Variants in ASIC5 observed in about 807,000 individuals in gnomAD.
ASIC5 encodes bile acid-sensitive ion channel.
In ASIC5, 52 loss-of-function variants were observed where a neutral mutation model predicts 51.2. That is an observed-to-expected ratio of 1.02 (90% CI 0.81 to 1.28). ASIC5 has a LOEUF of 1.28. ASIC5 is among the 50% of genes most tolerant of loss of function. The pLI is 0.00. For synonymous variants in ASIC5, 231 were observed against 200.7 expected (o/e 1.15, Z -1.28); for missense variants, 635 against 595.0 (o/e 1.07, Z -0.70).
At chr4:155,852,042 A>G in intron 4 of ASIC5, 149 bp downstream of exon 4, 1 of 883,658 alleles carries the variant, frequency 1.1e-6, no homozygotes. Context: ...CAGTAGTTAT[A>G]TAAAATCCAT....
At chr4:155,839,929 G>A (rs1324595329) in intron 6 of ASIC5, among the ~76,000 whole-genome samples, 1 of 152,074 alleles carries the variant, frequency 6.6e-6, no homozygotes, top group Non-Finnish European at 1.5e-5. Context: ...AAGCTGTTTT[G>A]GAGATTGCTT....
At chr4:155,854,715 A>C (rs1214798493) in intron 2 of ASIC5, 1 of 177,156 alleles carries the variant, frequency 5.6e-6, no homozygotes, top group Non-Finnish European at 1.2e-5. Context: ...TATATATGTG[A>C]GTTTCACTGT....
chr4:155,831,827 G>T lies in ASIC5; in HGVS notation c.1324C>A (p.Leu442Ile). 6.4e-7 allele frequency: 1 copy of T among 1,572,056 alleles called. No individual in the cohort carries two copies. The highest frequency in any genetic ancestry group is 1.4e-5 in the African/African-American group (1 of 73,948). Residue 442 changes from leucine to isoleucine, a missense_variant, in exon 9 of 10, where the codon CTT (leucine) becomes ATT (isoleucine). Transcript: ENST00000537611. ...GGAGCAATTAAATAACACTTACCAA[G>T]TAACTCAGACACACTCACCGCCTTT... ...QQKAVSVSELLADLGGQLGLF... is the reference protein window; with the variant it reads ...QQKAVSVSELIADLGGQLGLF...
At chr4:155,844,213 G>A (rs1012425401) in intron 4 of ASIC5, among the ~76,000 whole-genome samples, 2 of 151,908 alleles carry the variant, frequency 1.3e-5, no homozygotes, top group African/African-American at 4.8e-5. Flanking sequence ...CAAACCAATA[G>A]GACGATTGCT....
rs367889313 is a variant in ASIC5 at position 155,863,800 on chromosome 4, G to A, written c.41-46C>T. On this transcript the variant is annotated intron_variant, in intron 1 of 9. Transcript: ENST00000537611. ...ATGATTAAACAAAAAAAAGTAATTAGGAAACCTTAATGCTATCCGTAAAAA... is the reference window on the plus strand; with the variant it reads ...ATGATTAAACAAAAAAAAGTAATTAAGAAACCTTAATGCTATCCGTAAAAA... 2.9e-5 allele frequency: 43 copies of A among 1,493,568 alleles called. No homozygotes were observed. The African/African-American group carries it at 5.0e-4, about 17-fold the overall frequency. The allele number at this position is 1,493,568 out of a possible 1,614,324, so 92.5% of individuals were successfully genotyped here.
intron 4 of ASIC5, among the ~76,000 whole-genome samples, chr4:155,847,007 T>C (rs1302818125): frequency 6.6e-6 from 1 of 152,042 alleles, no homozygotes; most frequent in Non-Finnish European, 1.5e-5. Context: ...TTTTTTGTGG[T>C]AAGACAGCTT....
chr4:155,864,185 T>C (rs564117004), intron 1 of ASIC5, among the ~76,000 whole-genome samples: 31 of 152,206 alleles, frequency 2.0e-4, no homozygotes, highest in African/African-American at 7.5e-4. Context: ...AAAAGTAATC[T>C]GTTCTTAACT....
intron 2 of ASIC5, 64 bp downstream of exon 2, chr4:155,863,384 A>G: frequency 1.6e-6 from 2 of 1,282,996 alleles, no homozygotes; most frequent in South Asian, 1.5e-5. Flanking sequence ...TTTGTCAGTC[A>G]TCCAAGAAAG....
At chr4:155,844,334 ACTC>A (rs915406983) in intron 4 of ASIC5, among the ~76,000 whole-genome samples, 14 of 151,442 alleles carry the variant, frequency 9.2e-5, no homozygotes, top group African/African-American at 3.4e-4. Context: ...AACAAAAAAA[ACTC>A]CTTTTTTTGT....
At position 155,831,924 on chromosome 4, in the gene ASIC5, A is replaced by T; in HGVS notation, c.1236-9T>A. 7.2e-7 allele frequency: 1 copy of T among 1,398,330 alleles called. No individual in the cohort carries two copies. The highest frequency in any genetic ancestry group is 1.0e-6 in the Non-Finnish European group (1 of 990,960). 86.6% of individuals were successfully genotyped at this position (1,398,330 alleles called of 1,614,324 possible). A position where few individuals can be genotyped will look rare whatever the true frequency, so the allele number is the denominator to read the frequency against. On this transcript the variant is annotated splice_polypyrimidine_tract_variant and intron_variant, in intron 8 of 9. Transcript: ENST00000537611. ...TTTTTACAAGATTCTCCCTAGGGAT[A>T]AAAAAGAGAGTTAATATAGCTTAAG... is the stretch of plus-strand genomic sequence containing the variant.
At chr4:155,837,470 G>A (rs1359656968) in intron 7 of ASIC5, among the ~76,000 whole-genome samples, 4 of 152,102 alleles carry the variant, frequency 2.6e-5, no homozygotes, top group African/African-American at 9.7e-5. Flanking sequence ...AGCAGGTAGT[G>A]TTTGTCTCCA....
At chr4:155,865,592 A>C (rs530537569) in intron 1 of ASIC5, among the ~76,000 whole-genome samples, 1 of 152,152 alleles carries the variant, frequency 6.6e-6, no homozygotes, top group Non-Finnish European at 1.5e-5. Context: ...TTGCCTGTCA[A>C]AAATCAGCCC....
chr4:155,858,127 G>A (rs1188784936), intron 2 of ASIC5, among the ~76,000 whole-genome samples: 1 of 151,978 alleles, frequency 6.6e-6, no homozygotes, highest in African/African-American at 2.4e-5. Context: ...GATGAATTTT[G>A]TTATAAAGAT....
intron 8 of ASIC5, among the ~76,000 whole-genome samples, chr4:155,832,863 CTGGT>C (rs1260388969): frequency 6.6e-6 from 1 of 152,140 alleles, no homozygotes; most frequent in Non-Finnish European, 1.5e-5. Flanking sequence ...AGCTTGCTAA[CTGGT>C]CTTTCTGTTT....
Position 155,845,690 on chromosome 4 carries a change from C to G in ASIC5, c.712-1860G>C, listed in dbSNP as rs1402305421. ...TAGTCCCTATCTAAATAAGATTGGT[C>G]TCCTTATACAATATTATGATAGAGT... On this transcript the variant is annotated intron_variant, in intron 4 of 9. Transcript: ENST00000537611. Among the ~76,000 whole-genome samples, 7 of 151,952 alleles carry G rather than the reference C, an allele frequency of 4.6e-5. No homozygotes were observed. In the South Asian group the frequency reaches 1.2e-3, roughly 27 times the overall value.
intron 8 of ASIC5, among the ~76,000 whole-genome samples, chr4:155,832,791 C>T (rs367744026): frequency 1.3e-5 from 2 of 152,276 alleles, no homozygotes; most frequent in South Asian, 4.1e-4. Context: ...TGACCTCTCA[C>T]CCCATTCAAA....
intron 9 of ASIC5, among the ~76,000 whole-genome samples, chr4:155,831,540 T>C (rs938381599): frequency 6.6e-6 from 1 of 152,014 alleles, no homozygotes; most frequent in Non-Finnish European, 1.5e-5. Flanking sequence ...AGGAGGCCAA[T>C]GTGGGCGGAT....
intron 1 of ASIC5, 27 bp downstream of exon 1, chr4:155,866,160 G>A: frequency 6.7e-7 from 1 of 1,481,846 alleles, no homozygotes; most frequent in Non-Finnish European, 9.4e-7. Context: ...AAATATTACT[G>A]CTCTGAGGAG....
Position 155,857,277 on chromosome 4 carries a change from C to A in ASIC5, c.348-2963G>T, listed in dbSNP as rs548709594. Among the ~76,000 whole-genome samples, 15 of 152,130 alleles carry A rather than the reference C, an allele frequency of 9.9e-5. No individual in the cohort carries two copies. The East Asian group carries it at 2.1e-3, about 22-fold the overall frequency. ...TAGCTGGAACTACAGGTGTACACCA[C>A]CATGCCCAGCTAATTTTTGTATTTT... is the stretch of plus-strand genomic sequence containing the variant. On this transcript the variant is annotated intron_variant, in intron 2 of 9. Transcript: ENST00000537611.
Sources: allele counts gnomAD v4.1 joint callset (sites outside exome capture counted in the v4.1 genomes callset), GRCh38; gene constraint gnomAD v4.1.1; transcripts MANE v1.5; gene names NCBI Gene and HGNC (gene_info 2026-07-23, HGNC 2026-07-21).